SPECC1L: variants seen among roughly 807,000 people sequenced by gnomAD.
SPECC1L encodes sperm antigen with calponin homology and coiled-coil domains 1 like.
In SPECC1L, 40 loss-of-function variants were observed where a neutral mutation model predicts 116.8. The ratio of observed to expected loss-of-function variants is 0.34; its 90% confidence interval spans 0.27 to 0.45. The LOEUF is 0.45. Among genes scored for constraint, SPECC1L ranks in the 20% least tolerant of loss-of-function variants. The pLI, the probability that SPECC1L is intolerant of heterozygous loss-of-function variation, is 1.00. For synonymous variants in SPECC1L, 504 were observed against 500.6 expected (o/e 1.01, Z -0.09); for missense variants, 1,110 against 1,373.6 (o/e 0.81, Z 3.03).
At chr22:24,393,117 G>T (rs151306591) in intron 14 of SPECC1L, among the ~76,000 whole-genome samples, 3 of 152,182 alleles carry the variant, frequency 2.0e-5, no homozygotes, top group Admixed American at 2.0e-4. Context: ...GGAAATAGGC[G>T]CCACCTTTTG....
chr22:24,321,874 C>A lies in SPECC1L; in HGVS notation c.894C>A (p.Ile298=). 6.2e-7 allele frequency: 1 copy of A among 1,614,234 alleles called. No homozygotes were observed. The highest frequency in any genetic ancestry group is 8.5e-7 in the Non-Finnish European group (1 of 1,180,044). Residue 298 remains isoleucine (I), a synonymous_variant, in exon 5 of 17, where the codon ATC becomes ATA. Coordinates refer to ENST00000314328, the MANE Select transcript of SPECC1L (RefSeq NM_015330.6). ...GCTATCAGTCCCTGAGCCCAGAAAT[C>A]ACCCCTGGTAACCAGAGCGATGGAG... ...LFGYQSLSPE[I]TPGNQSDGGG...
At chr22:24,396,207 G>A (rs530229265) in intron 14 of SPECC1L, among the ~76,000 whole-genome samples, 2 of 152,134 alleles carry the variant, frequency 1.3e-5, no homozygotes, top group South Asian at 4.1e-4. Context: ...TTTGACACTT[G>A]TTGTGCACAA....
At chr22:24,278,828 C>T (rs1705604826) in intron 2 of SPECC1L, among the ~76,000 whole-genome samples, 1 of 152,146 alleles carries the variant, frequency 6.6e-6, no homozygotes, top group African/African-American at 2.4e-5. Context: ...AAAGTGGAAA[C>T]ACCATCGTAA....
At position 24,342,492 on chromosome 22, in the gene SPECC1L, G is replaced by A. The variant is rs375924406; in HGVS notation, c.2652+4015G>A. Among the ~76,000 whole-genome samples the A allele has an allele frequency of 2.4e-4, 36 of 152,098 alleles. 1 individual carries two copies. Among genetic ancestry groups the A allele is most frequent in the Admixed American group, 1.2e-3 (19 of 15,282 alleles). ...TCAAGACCAGCCTGGCCAACATGGC[G>A]AAACCCCATCTCTACTAAAACTACA... On this transcript the variant is annotated intron_variant, in intron 10 of 16. Coordinates refer to ENST00000314328, the MANE Select transcript of SPECC1L (RefSeq NM_015330.6).
intron 9 of SPECC1L, among the ~76,000 whole-genome samples, chr22:24,336,201 G>A (rs750995062): frequency 5.9e-5 from 9 of 151,928 alleles, no homozygotes; most frequent in Non-Finnish European, 1.2e-4. Context: ...TGCCACCTGA[G>A]CAGTCGCTCT....
intron 3 of SPECC1L, among the ~76,000 whole-genome samples, chr22:24,310,917 A>G (rs2040449121): frequency 6.6e-6 from 1 of 152,214 alleles, no homozygotes; most frequent in Non-Finnish European, 1.5e-5. Context: ...AATCGTAGTT[A>G]GAAAACGTTG....
At chr22:24,329,519 C>T (rs2040895464) in intron 7 of SPECC1L, among the ~76,000 whole-genome samples, 1 of 152,206 alleles carries the variant, frequency 6.6e-6, no homozygotes, top group Non-Finnish European at 1.5e-5. Flanking sequence ...AGGGAGAAAG[C>T]TACTCAGTCG....
intron 14 of SPECC1L, among the ~76,000 whole-genome samples, chr22:24,395,387 T>G (rs2042347482): frequency 6.6e-6 from 1 of 152,108 alleles, no homozygotes; most frequent in Admixed American, 6.6e-5. Context: ...GTGAAGGATT[T>G]AAGAGCACCT....
chr22:24,381,037 T>G (rs2146692731), intron 14 of SPECC1L, among the ~76,000 whole-genome samples: 1 of 152,364 alleles, frequency 6.6e-6, no homozygotes, highest in South Asian at 2.1e-4. Flanking sequence ...TTTTAATTTT[T>G]TTAGCCGTTG....
At chr22:24,347,325 C>G (rs1293160317) in intron 11 of SPECC1L, 149 bp downstream of exon 11, 8 of 671,324 alleles carry the variant, frequency 1.2e-5, no homozygotes, top group Non-Finnish European at 2.2e-5. Context: ...GTAAGTATAT[C>G]TAAATTACAA....
Position 24,322,598 on chromosome 22 carries a change from C to T in SPECC1L, c.1618C>T (p.Arg540Cys), listed in dbSNP as rs200567922. Reference sequence around the variant, plus strand: ...AGAAATGATAGGGGCACTCAAAGAACGCAGTCACCATATGGAGCGAATTAT... The same window carrying T: ...AGAAATGATAGGGGCACTCAAAGAATGCAGTCACCATATGGAGCGAATTAT... ...AQEMIGALKERSHHMERIIES... is the reference protein window; with the variant it reads ...AQEMIGALKECSHHMERIIES... Residue 540 changes from arginine to cysteine, a missense_variant, in exon 5 of 17, where the codon CGC (arginine) becomes TGC (cysteine). Transcript: ENST00000314328. 1.9e-6 allele frequency: 3 copies of T among 1,614,006 alleles called. No homozygotes were observed. The highest frequency in any genetic ancestry group is 2.7e-5 in the African/African-American group (2 of 74,910).
At chr22:24,336,457 G>T (rs2041059653) in intron 9 of SPECC1L, among the ~76,000 whole-genome samples, 1 of 152,120 alleles carries the variant, frequency 6.6e-6, no homozygotes, top group East Asian at 1.9e-4. Context: ...AAATATATAT[G>T]CTTTGAGCTG....
chr22:24,303,515 C>T (rs748832992), intron 3 of SPECC1L, among the ~76,000 whole-genome samples: 3 of 152,112 alleles, frequency 2.0e-5, no homozygotes, highest in Non-Finnish European at 4.4e-5. Context: ...GTTGCTGGGG[C>T]TCTCTTTGGC....
intron 11 of SPECC1L, among the ~76,000 whole-genome samples, chr22:24,361,567 G>A (rs193124008): frequency 3.2e-4 from 49 of 152,162 alleles, no homozygotes; most frequent in African/African-American, 7.2e-5. Flanking sequence ...CGGGAGAATC[G>A]CTTGAACCCA....
intron 4 of SPECC1L, among the ~76,000 whole-genome samples, chr22:24,315,935 A>G (rs2040554490): frequency 6.6e-6 from 1 of 152,198 alleles, no homozygotes. Flanking sequence ...AACGCCAGTC[A>G]TGTTGGATTA....
chr22:24,402,756 A>G (rs960597585), intron 14 of SPECC1L, among the ~76,000 whole-genome samples: 14 of 152,240 alleles, frequency 9.2e-5, no homozygotes, highest in African/African-American at 3.4e-4. Context: ...TGTGTCCATA[A>G]AAGTGGCATT....
At chr22:24,399,122 C>G (rs2042421325) in intron 14 of SPECC1L, among the ~76,000 whole-genome samples, 1 of 152,194 alleles carries the variant, frequency 6.6e-6, no homozygotes, top group African/African-American at 2.4e-5. Context: ...CCTGAGTTAT[C>G]AGAAAGCAGA....
intron 3 of SPECC1L, among the ~76,000 whole-genome samples, chr22:24,311,804 CAAAAAAAAAAAAAAAA>C: frequency 2.1e-5 from 1 of 46,568 alleles, no homozygotes; most frequent in South Asian, 9.0e-4. Context: ...GACTTTGTCT[CAAAAAAAAAAAAAAAA>C]AAAAAAAAGA....
chr22:24,352,578 A>C (rs1338661032), intron 11 of SPECC1L, among the ~76,000 whole-genome samples: 1 of 152,204 alleles, frequency 6.6e-6, no homozygotes, highest in African/African-American at 2.4e-5. Flanking sequence ...ATTTGTATGA[A>C]GTTAGGAGGT....
Sources: allele counts gnomAD v4.1 joint callset (sites outside exome capture counted in the v4.1 genomes callset), GRCh38; gene constraint gnomAD v4.1.1; transcripts MANE v1.5; gene names NCBI Gene and HGNC (gene_info 2026-07-23, HGNC 2026-07-21).